Variants in ABCA3 observed in about 807,000 individuals in gnomAD.
The protein encoded by ABCA3 is phospholipid-transporting ATPase ABCA3.
Under a neutral mutation model 172.8 loss-of-function variants are expected in ABCA3, and 88 were observed. The ratio of observed to expected loss-of-function variants is 0.51; its 90% CI spans 0.43 to 0.61. ABCA3 has a LOEUF of 0.61. Among genes scored for constraint, ABCA3 ranks in the 20% least tolerant of loss-of-function variants. The probability of loss-of-function intolerance (pLI) is 0.00; values close to 1 mark genes in which losing one functional copy is unlikely to be tolerated. For missense variants in ABCA3, 2,164 were observed against 2,301.0 expected (o/e 0.94, Z 1.22); for synonymous variants, 1,066 against 983.8 (o/e 1.08, Z -1.56).
chr16:2,297,776 G>A lies in ABCA3; in HGVS notation c.2042C>T (p.Ala681Val). The stretch of plus-strand genomic sequence containing the variant: ...GTCCCACCGCCACACCTTGGAGCCT[G>A]CGATGAGGGCGATGCCGATGGAGAG... ...RKLSIGIALI[A>V]GSKVLILDEP... is the part of the protein sequence containing the mutation. The change falls in exon 16 of 33, where the codon GCA becomes GTA. Residue 681 changes from alanine to valine, a missense_variant. Coordinates refer to ENST00000301732, the MANE Select transcript of ABCA3 (RefSeq NM_001089.3). This position sits in a 1 kb window ranked among gnomAD's most constrained non-coding sequence, Gnocchi z 5.6. 1.2e-6 allele frequency: 2 copies of A among 1,612,190 alleles called. No homozygotes were observed. Among genetic ancestry groups the A allele is most frequent in the Non-Finnish European group, 1.7e-6 (2 of 1,180,030 alleles).
At position 2,308,631 on chromosome 16, in the gene ABCA3, T is replaced by A. The variant is rs775261890; in HGVS notation, c.1112-8A>T. On this transcript the variant is annotated splice_polypyrimidine_tract_variant and splice_region_variant and intron_variant, in intron 10 of 32. Coordinates refer to ENST00000301732, the MANE Select transcript of ABCA3 (RefSeq NM_001089.3). ...AGGCTGCTGCCATGTTGGCTGCAGG[T>A]GTTGGAAGACCCGGGGGGCGTGAGC... 7 of 1,613,788 alleles carry A rather than the reference T, an allele frequency of 4.3e-6. No homozygotes were observed. The South Asian group carries it at 4.4e-5, about 10-fold the overall frequency.
intron 12 of ABCA3, among the ~76,000 whole-genome samples, chr16:2,300,660 A>G (rs2093687448): frequency 6.6e-6 from 1 of 152,226 alleles, no homozygotes; most frequent in South Asian, 2.1e-4. Flanking sequence ...AACTCAGTGC[A>G]TGGGGTAAGA....
At chr16:2,340,011 A>G (rs1031731668) in intron 1 of ABCA3, among the ~76,000 whole-genome samples, 3 of 152,250 alleles carry the variant, frequency 2.0e-5, no homozygotes, top group African/African-American at 4.8e-5. Context: ...AGGGCGCAGC[A>G]AACGCCCGCC....
intron 1 of ABCA3, chr16:2,332,548 C>T (rs772144373): frequency 1.1e-4 from 116 of 1,103,104 alleles, no homozygotes; most frequent in East Asian, 3.5e-4. Context: ...CACACGGACA[C>T]GAATGTCCAC....
intron 5 of ABCA3, 31 bp from the exon 6 acceptor site, chr16:2,324,562 G>T: frequency 6.2e-7 from 1 of 1,605,468 alleles, no homozygotes. Context: ...AGCTGTGGTT[G>T]CCCAATCGGC....
At chr16:2,340,061 G>C (rs888290893) in intron 1 of ABCA3, among the ~76,000 whole-genome samples, 1 of 152,242 alleles carries the variant, frequency 6.6e-6, no homozygotes, top group African/African-American at 2.4e-5. Flanking sequence ...GAGGCTCCTC[G>C]GAACCAGAGG....
At chr16:2,313,088 T>C (rs1019178130) in intron 10 of ABCA3, among the ~76,000 whole-genome samples, 5 of 151,816 alleles carry the variant, frequency 3.3e-5, no homozygotes, top group Non-Finnish European at 5.9e-5. Context: ...AAGCTGGCAT[T>C]GTTTGTTTGT....
intron 1 of ABCA3, among the ~76,000 whole-genome samples, chr16:2,336,219 C>G (rs556133785): frequency 6.6e-6 from 1 of 152,278 alleles, no homozygotes; most frequent in South Asian, 2.1e-4. Context: ...AACATTTACA[C>G]CCGCACACCA....
At chr16:2,332,463 C>G in intron 1 of ABCA3, 1 of 1,026,278 alleles carries the variant, frequency 9.7e-7, no homozygotes, top group Non-Finnish European at 1.5e-6. Flanking sequence ...CCATATACTT[C>G]TGGTAATAGG....
rs942724827 is a variant in ABCA3 at position 2,287,930 on chromosome 16, C to T, written c.3004+96G>A. 1.4e-6 allele frequency: 2 copies of T among 1,480,048 alleles called. No homozygotes were observed. The highest frequency in any genetic ancestry group is 2.8e-5 in the African/African-American group (2 of 72,664). 91.7% of individuals were successfully genotyped at this position (1,480,048 alleles called of 1,614,324 possible). A position where few individuals can be genotyped will look rare whatever the true frequency, so the allele number is the denominator to read the frequency against. On this transcript the variant is annotated intron_variant, in intron 21 of 32. Transcript: ENST00000301732. This position sits in a 1 kb window ranked among gnomAD's most constrained non-coding sequence, Gnocchi z 4.1. ...ACATTCGGAACAGCCAAGAACCATCCTCCCCAGATGTCGACCCTGCTGCAG... is the reference window on the plus strand; with the variant it reads ...ACATTCGGAACAGCCAAGAACCATCTTCCCCAGATGTCGACCCTGCTGCAG...
chr16:2,335,964 A>G (rs1249283877), intron 1 of ABCA3, among the ~76,000 whole-genome samples: 1 of 152,152 alleles, frequency 6.6e-6, no homozygotes, highest in African/African-American at 2.4e-5. Context: ...AAAGTTCCAA[A>G]TCCGGAGACA....
chr16:2,323,895 G>A (rs558907800), intron 6 of ABCA3, among the ~76,000 whole-genome samples: 4 of 152,086 alleles, frequency 2.6e-5, no homozygotes, highest in Non-Finnish European at 5.9e-5. Context: ...GGCCCCTTTT[G>A]GGGGGTGGTT....
intron 12 of ABCA3, among the ~76,000 whole-genome samples, chr16:2,301,057 C>T (rs958250959): frequency 2.0e-4 from 30 of 149,902 alleles, no homozygotes; most frequent in Non-Finnish European, 3.0e-4. Context: ...GGTGAAACCC[C>T]GTCTCTACTA....
Position 2,281,332 on chromosome 16 carries a change from C to T in ABCA3, c.4164+49G>A, listed in dbSNP as rs1221384684. ...GGATGGGGTCGGACCCTGGGGACAG[C>T]CAGGTAGTCAGCTGGCAGGAAGGAC... On this transcript the variant is annotated intron_variant, in intron 27 of 32. Coordinates refer to ENST00000301732, the MANE Select transcript of ABCA3 (RefSeq NM_001089.3). The surrounding 1 kb of genome is among the most constrained non-coding windows in gnomAD (Gnocchi z 4.7). 6 of 1,613,336 alleles carry T rather than the reference C, an allele frequency of 3.7e-6. No homozygotes were observed. The highest frequency in any genetic ancestry group is 1.3e-5 in the African/African-American group (1 of 75,014).
chr16:2,301,552 C>CA lies in ABCA3; in HGVS notation c.1468-1405dup, dbSNP rs200136191. Among the ~76,000 whole-genome samples, 10 of 151,442 alleles carry CA rather than the reference C, an allele frequency of 6.6e-5. 1 individual carries two copies. Among genetic ancestry groups the CA allele is most frequent in the Admixed American group, 3.9e-4 (6 of 15,222 alleles). On this transcript the variant is annotated intron_variant, in intron 12 of 32. Transcript: ENST00000301732. ...CGAAACCCCGTCTCTAATAAAAATACAAAAAAAATTAGGTGCGTGTAGTGG... is the reference window on the plus strand; with the variant it reads ...CGAAACCCCGTCTCTAATAAAAATACAAAAAAAAATTAGGTGCGTGTAGTGG...
chr16:2,276,449 A>T lies in ABCA3; in HGVS notation c.*225T>A. 1.2e-6 allele frequency: 1 copy of T among 806,872 alleles called. No individual in the cohort carries two copies. The highest frequency in any genetic ancestry group is 2.0e-6 in the Non-Finnish European group (1 of 504,498). 50.0% of individuals were successfully genotyped at this position (806,872 alleles called of 1,614,324 possible). A position where few individuals can be genotyped will look rare whatever the true frequency, so the allele number is the denominator to read the frequency against. ...TGCCCGGCCTGCCCCAGCTCTGGGA[A>T]AGTGAACTCCAGAGTATGCAGACAT... On this transcript the variant is annotated 3_prime_UTR_variant, in exon 33 of 33. Transcript: ENST00000301732.
chr16:2,324,386 C>A lies in ABCA3; in HGVS notation c.447+18G>T. 1 of 1,579,014 alleles carries A rather than the reference C, an allele frequency of 6.3e-7. No homozygotes were observed. The highest frequency in any genetic ancestry group is 1.3e-5 in the African/African-American group (1 of 74,582). ...TTGCTGATGGGCTGTGACTGCTCGGCCCGGCCGCACGTCTCACCGCCAGCG... is the reference window on the plus strand; with the variant it reads ...TTGCTGATGGGCTGTGACTGCTCGGACCGGCCGCACGTCTCACCGCCAGCG... On this transcript the variant is annotated intron_variant, in intron 6 of 32. Coordinates refer to ENST00000301732, the MANE Select transcript of ABCA3 (RefSeq NM_001089.3).
chr16:2,297,273 C>T lies in ABCA3; in HGVS notation c.2263+56G>A. The T allele has an allele frequency of 5.7e-6, 9 of 1,584,428 alleles. 1 individual carries two copies. The highest frequency in any genetic ancestry group is 6.0e-6 in the Non-Finnish European group (7 of 1,164,420). On this transcript the variant is annotated intron_variant, in intron 17 of 32. Transcript: ENST00000301732. This position sits in a 1 kb window ranked among gnomAD's most constrained non-coding sequence, Gnocchi z 5.6. ...GCCCTTCATGAAGGTAGCAGCCATT[C>T]CCTCAGCACGGCAGCCAGGACACCG...
intron 6 of ABCA3, 34 bp from the exon 7 acceptor site, chr16:2,323,722 G>A: frequency 6.2e-7 from 1 of 1,613,806 alleles, no homozygotes; most frequent in Non-Finnish European, 8.5e-7. Flanking sequence ...GCTGTTCCGA[G>A]AGATCCAGAC....
Sources: allele counts gnomAD v4.1 joint callset (sites outside exome capture counted in the v4.1 genomes callset), GRCh38; gene constraint gnomAD v4.1.1; non-coding constraint Gnocchi (gnomAD v3.1); transcripts MANE v1.5; gene names NCBI Gene and HGNC (gene_info 2026-07-23, HGNC 2026-07-21).